The following ADCY2 variants were observed in gnomAD, a reference collection of about 807,000 sequenced individuals.
ADCY2 encodes adenylate cyclase 2, also known as adenylate cyclase type 2.
ADCY2 carries 31 observed loss-of-function variants against 125.2 expected under a neutral mutation model. That is an observed-to-expected ratio of 0.25 (90% confidence interval 0.19 to 0.33). ADCY2 has a LOEUF of 0.33. Among genes scored for constraint, ADCY2 ranks in the 10% least tolerant of loss-of-function variants. The pLI, the probability that ADCY2 is intolerant of heterozygous loss-of-function variation, is 1.00. For synonymous variants in ADCY2, 512 were observed against 548.4 expected, an observed-to-expected ratio of 0.93 and a Z score of 0.93; for missense variants, 904 against 1,418.2, an observed-to-expected ratio of 0.64 and a Z score of 5.82.
chr5:7,779,350 G>T (rs527836443), intron 18 of ADCY2, among the ~76,000 whole-genome samples: 1 of 152,188 alleles, frequency 6.6e-6, no homozygotes, highest in South Asian at 2.1e-4. Context: ...TAGGGGAAGG[G>T]TTTCACAGGG....
intron 19 of ADCY2, among the ~76,000 whole-genome samples, chr5:7,788,079 G>C (rs1203399930): frequency 6.6e-6 from 1 of 152,032 alleles, no homozygotes; most frequent in Non-Finnish European, 1.5e-5. Context: ...AAGTGAGAAG[G>C]CTTTTCTAGT....
rs1745267594 is a variant in ADCY2, at chr5:7,820,620, T to C, written c.3054T>C (p.Tyr1018=). 5.6e-6 allele frequency: 9 copies of C among 1,614,098 alleles called. No individual in the cohort carries two copies. The highest frequency in any genetic ancestry group is 7.6e-6 in the Non-Finnish European group (9 of 1,179,958). The change falls in exon 24 of 25, where the codon TAT becomes TAC. Residue 1018 remains tyrosine (Y), a synonymous_variant. Coordinates refer to ENST00000338316, the MANE Select transcript of ADCY2 (RefSeq NM_020546.3). ...AGVIGAQKPQ[Y]DIWGNTVNVA... is the part of the protein sequence containing the mutation. ...TGATTGGAGCTCAGAAGCCACAATA[T>C]GATATCTGGGGCAACACTGTCAATG...
chr5:7,638,526 A>T (rs1237209740), intron 4 of ADCY2, among the ~76,000 whole-genome samples: 2 of 152,220 alleles, frequency 1.3e-5, no homozygotes, highest in Non-Finnish European at 2.9e-5. Context: ...CACTCCTGGC[A>T]TGAGGCATGA....
chr5:7,530,434 C>A (rs1021294419), intron 3 of ADCY2, among the ~76,000 whole-genome samples: 1 of 152,086 alleles, frequency 6.6e-6, no homozygotes, highest in African/African-American at 2.4e-5. Context: ...GGCTGGAAGA[C>A]AATGGCATGA....
In ADCY2 at chr5:7,830,069, G is replaced by C. The variant is rs2126550645; in HGVS notation, c.*3198G>C. The C allele has an allele frequency of 6.9e-6, 1 of 144,796 alleles. No individual in the cohort carries two copies. Among genetic ancestry groups the C allele is most frequent in the East Asian group, 1.9e-4 (1 of 5,170 alleles). 9.0% of individuals were successfully genotyped at this position (144,796 alleles called of 1,614,324 possible). A position where few individuals can be genotyped will look rare whatever the true frequency, so the allele number is the denominator to read the frequency against. On this transcript the variant is annotated 3_prime_UTR_variant, in exon 25 of 25. Transcript: ENST00000338316. ...CACTCCAGCCTGGGTGACAGAGCGA[G>C]ACTCTGTCTCAGAAAAAAAAAGAAA...
chr5:7,823,610 T>A (rs1745371398), intron 24 of ADCY2, among the ~76,000 whole-genome samples: 1 of 152,178 alleles, frequency 6.6e-6, no homozygotes, highest in African/African-American at 2.4e-5. Context: ...AAGAGAGGCC[T>A]GCCCCTACCA....
chr5:7,822,025 G>A (rs756350652), intron 24 of ADCY2, among the ~76,000 whole-genome samples: 9 of 152,196 alleles, frequency 5.9e-5, no homozygotes, highest in Non-Finnish European at 1.2e-4. Flanking sequence ...GGAGAAAAGT[G>A]AAGAAGGAAG....
intron 1 of ADCY2, among the ~76,000 whole-genome samples, chr5:7,406,854 C>CT (rs1739506995): frequency 6.6e-6 from 1 of 152,292 alleles, no homozygotes; most frequent in South Asian, 2.1e-4. Context: ...TCAAGACATG[C>CT]TTCTTGAAAG....
intron 1 of ADCY2, among the ~76,000 whole-genome samples, chr5:7,406,891 T>C (rs1391934155): frequency 6.6e-6 from 1 of 152,234 alleles, no homozygotes; most frequent in Non-Finnish European, 1.5e-5. Context: ...TGCCTTCTCA[T>C]GCTATGTCTG....
At chr5:7,399,987 T>C (rs1181870218) in intron 1 of ADCY2, among the ~76,000 whole-genome samples, 3 of 152,214 alleles carry the variant, frequency 2.0e-5, no homozygotes, top group Non-Finnish European at 4.4e-5. Context: ...CTGGTTTTTA[T>C]TACTGAATGC....
intron 16 of ADCY2, among the ~76,000 whole-genome samples, chr5:7,761,491 C>T (rs997377782): frequency 1.3e-5 from 2 of 152,030 alleles, no homozygotes; most frequent in Non-Finnish European, 2.9e-5. Context: ...AGATTGTTTC[C>T]GTATCTTGGG....
intron 2 of ADCY2, among the ~76,000 whole-genome samples, chr5:7,442,445 T>C (rs1741049254): frequency 1.3e-5 from 2 of 152,180 alleles, no homozygotes; most frequent in Non-Finnish European, 2.9e-5. Context: ...GTTTAACTTT[T>C]AATTTTTGGA....
At chr5:7,775,350 A>G (rs150273011) in intron 18 of ADCY2, among the ~76,000 whole-genome samples, 5,767 of 148,578 alleles carry the variant, frequency 0.039, 362 homozygotes, top group African/African-American at 0.14. Flanking sequence ...CAAAGTGTTG[A>G]GATTACAGGC....
chr5:7,633,743 A>G (rs563649449), intron 4 of ADCY2, among the ~76,000 whole-genome samples: 42 of 152,278 alleles, frequency 2.8e-4, no homozygotes, highest in African/African-American at 9.9e-4. Context: ...ATTTTTGTTG[A>G]TAATAAGAAG....
intron 7 of ADCY2, among the ~76,000 whole-genome samples, chr5:7,702,546 A>G (rs1182978967): frequency 6.6e-6 from 1 of 152,112 alleles, no homozygotes; most frequent in Non-Finnish European, 1.5e-5. Context: ...TGTCCCTACA[A>G]AGGACATGAA....
chr5:7,425,747 AC>A (rs1241004027), intron 2 of ADCY2, among the ~76,000 whole-genome samples: 2 of 152,260 alleles, frequency 1.3e-5, no homozygotes, highest in African/African-American at 2.4e-5. Flanking sequence ...CGGAGGCTTC[AC>A]AGTAAACTTT....
chr5:7,581,819 CAA>C (rs59841590), intron 3 of ADCY2, among the ~76,000 whole-genome samples: 5 of 123,778 alleles, frequency 4.0e-5, no homozygotes, highest in Admixed American at 8.8e-5. Context: ...GACTCAGTCT[CAA>C]AAAAAAAAAA....
chr5:7,595,704 T>A (rs59740740), intron 3 of ADCY2, among the ~76,000 whole-genome samples: 3,701 of 152,240 alleles, frequency 0.024, 144 homozygotes, highest in African/African-American at 0.084. Context: ...CAAATCTGTG[T>A]TGCTGAAGTC....
chr5:7,653,620 C>A (rs1045440920), intron 4 of ADCY2, among the ~76,000 whole-genome samples: 5 of 149,886 alleles, frequency 3.3e-5, no homozygotes, highest in African/African-American at 1.2e-4. Flanking sequence ...AAAAAAAAAA[C>A]GTGAAGAATT....
Sources: gnomAD v4.1 joint callset for allele counts (sites outside exome capture counted in the v4.1 genomes callset) on GRCh38, gnomAD v4.1.1 for gene constraint, MANE v1.5 for transcripts, NCBI Gene and HGNC (gene_info 2026-07-23, HGNC 2026-07-21) for gene names.